Variants in VGLL3 observed in about 807,000 individuals in gnomAD.
VGLL3 encodes the protein vestigial like family member 3, also known as transcription cofactor vestigial-like protein 3.
VGLL3 carries 18 observed loss-of-function variants against 29.2 expected under a neutral mutation model. The observed-to-expected ratio is 0.62, with a 90% CI of 0.43 to 0.91. The LOEUF is 0.91. Among genes scored for constraint, VGLL3 ranks in the 40% least tolerant of loss-of-function variants. The pLI, the probability that VGLL3 is intolerant of heterozygous loss-of-function variation, is 0.00. For missense variants in VGLL3, 440 were observed against 413.2 expected, an observed-to-expected ratio of 1.06 and a Z score of -0.56; for synonymous variants, 180 against 151.8, an observed-to-expected ratio of 1.19 and a Z score of -1.36.
intron 3 of VGLL3, among the ~76,000 whole-genome samples, chr3:86,956,841 A>G (rs556742188): frequency 2.6e-5 from 4 of 151,386 alleles, no homozygotes; most frequent in South Asian, 4.2e-4. Flanking sequence ...ATAACGAGGG[A>G]TGCTCTCCAA....
chr3:86,987,114 C>A (rs972797090), intron 1 of VGLL3, among the ~76,000 whole-genome samples: 1 of 152,062 alleles, frequency 6.6e-6, no homozygotes, highest in Non-Finnish European at 1.5e-5. Context: ...ATCTGGTGAT[C>A]CTAATTTTGT....
intron 3 of VGLL3, among the ~76,000 whole-genome samples, chr3:86,959,503 T>C (rs570207574): frequency 6.6e-6 from 1 of 152,266 alleles, no homozygotes; most frequent in South Asian, 2.1e-4. Context: ...TGCCCTCTCA[T>C]CTTTAGGGTG....
intron 2 of VGLL3, among the ~76,000 whole-genome samples, chr3:86,969,746 A>G (rs2107021886): frequency 6.6e-6 from 1 of 151,024 alleles, no homozygotes; most frequent in South Asian, 2.1e-4. Flanking sequence ...GGGAGTCTCT[A>G]GACCGAGAAT....
intron 3 of VGLL3, among the ~76,000 whole-genome samples, chr3:86,959,296 T>G (rs1704789653): frequency 6.6e-6 from 1 of 152,198 alleles, no homozygotes; most frequent in Non-Finnish European, 1.5e-5. Flanking sequence ...TATTATATTT[T>G]TAATACCATT....
At position 86,941,625 on chromosome 3, in the gene VGLL3, G is replaced by A. The variant is rs954236254; in HGVS notation, c.*5399C>T. The A allele has an allele frequency of 3.3e-5, 5 of 151,768 alleles. No individual in the cohort carries two copies. Among genetic ancestry groups the A allele is most frequent in the African/African-American group, 1.2e-4 (5 of 41,338 alleles). The allele number at this position is 151,768 out of a possible 1,614,324, so 9.4% of individuals were successfully genotyped here. Reference sequence around the variant, plus strand: ...AATTAAATTGACTAGAACTTCAAGAGAATACTACTTTGACCAATACTTTAA... The same window carrying A: ...AATTAAATTGACTAGAACTTCAAGAAAATACTACTTTGACCAATACTTTAA... On this transcript the variant is annotated 3_prime_UTR_variant, in exon 4 of 4. Transcript: ENST00000398399.
rs772726547 is a variant in VGLL3, at chr3:86,968,691, A to G, written c.836T>C (p.Ile279Thr). 1.2e-6 allele frequency: 2 copies of G among 1,614,100 alleles called. No homozygotes were observed. Among genetic ancestry groups the G allele is most frequent in the South Asian group, 1.1e-5 (1 of 91,084 alleles). Reference sequence around the variant, plus strand: ...GACTGTAGTTGGTTCTGTCTTTGTGATGTCACACTGGGGAGCAGGAATCCT... The same window carrying G: ...GACTGTAGTTGGTTCTGTCTTTGTGGTGTCACACTGGGGAGCAGGAATCCT... Reference protein sequence around the residue: ...AARIPAPQCDITKTEPTTVTS... With the variant: ...AARIPAPQCDTTKTEPTTVTS... The change falls in exon 3 of 4, where the codon ATC becomes ACC. Residue 279 changes from isoleucine to threonine, a missense_variant. Physicochemically the swap from Ile to Thr is moderately conservative, Grantham distance 89. Coordinates refer to ENST00000398399, the MANE Select transcript of VGLL3 (RefSeq NM_016206.4).
intron 3 of VGLL3, among the ~76,000 whole-genome samples, chr3:86,966,281 T>C (rs906359575): frequency 2.6e-5 from 4 of 152,058 alleles, no homozygotes; most frequent in Non-Finnish European, 5.9e-5. Flanking sequence ...CTCTAGATTT[T>C]CCCCAGAACT....
intron 1 of VGLL3, among the ~76,000 whole-genome samples, chr3:86,986,003 G>A (rs879146982): frequency 3.3e-5 from 5 of 150,112 alleles, no homozygotes; most frequent in Non-Finnish European, 7.4e-5. Flanking sequence ...CCTTTGCACA[G>A]ATAGATATGA....
At chr3:86,966,405 C>G (rs1201443030) in intron 3 of VGLL3, among the ~76,000 whole-genome samples, 1 of 151,972 alleles carries the variant, frequency 6.6e-6, no homozygotes, top group East Asian at 1.9e-4. Context: ...ATAATTTTAT[C>G]TTTATTTTCA....
chr3:86,973,333 T>A (rs1488110671), intron 2 of VGLL3, among the ~76,000 whole-genome samples: 1 of 152,196 alleles, frequency 6.6e-6, no homozygotes, highest in South Asian at 2.1e-4. Context: ...TTTACATTTT[T>A]TATTAATATC....
At chr3:86,978,930 T>C in intron 1 of VGLL3, 128 bp from the exon 2 acceptor site, 3 of 1,051,464 alleles carry the variant, frequency 2.9e-6, no homozygotes, top group Non-Finnish European at 3.9e-6. Flanking sequence ...TTCTTCTTCA[T>C]CTGTTTTACT....
At chr3:86,979,558 A>C (rs1323767830) in intron 1 of VGLL3, among the ~76,000 whole-genome samples, 2 of 152,152 alleles carry the variant, frequency 1.3e-5, no homozygotes, top group East Asian at 3.8e-4. Flanking sequence ...ATATAATTCT[A>C]ATAATAATAT....
At position 86,965,992 on chromosome 3, in the gene VGLL3, C is replaced by G. The variant is rs114142727; in HGVS notation, c.937+2598G>C. 8.9e-3 allele frequency among the ~76,000 whole-genome samples: 1,359 copies of G among 152,256 alleles called. 9 individuals carry two copies. Among genetic ancestry groups the G allele is most frequent in the Non-Finnish European group, 0.012 (804 of 68,036 alleles). On this transcript the variant is annotated intron_variant, in intron 3 of 3. Transcript: ENST00000398399. ...CGTACAACACCCCTCTCTAACTCCT[C>G]CCAAAGATAGAGAGATGTAATATTT...
At chr3:86,950,634 A>G (rs1559719889) in intron 3 of VGLL3, among the ~76,000 whole-genome samples, 1 of 152,222 alleles carries the variant, frequency 6.6e-6, no homozygotes. Flanking sequence ...GAAGATTAAC[A>G]AAACAGCCCT....
chr3:86,949,227 C>T (rs756583109), intron 3 of VGLL3, among the ~76,000 whole-genome samples: 1 of 152,178 alleles, frequency 6.6e-6, no homozygotes, highest in African/African-American at 2.4e-5. Flanking sequence ...TACTTAAGAT[C>T]GCCCCAGATT....
chr3:86,960,536 A>G (rs1290230694), intron 3 of VGLL3, among the ~76,000 whole-genome samples: 1 of 152,136 alleles, frequency 6.6e-6, no homozygotes, highest in Non-Finnish European at 1.5e-5. Context: ...GTCTGTTCAG[A>G]GAGAATACTA....
chr3:86,959,003 AC>A (rs750317233), intron 3 of VGLL3, among the ~76,000 whole-genome samples: 64 of 152,180 alleles, frequency 4.2e-4, no homozygotes, highest in Admixed American at 2.2e-3. Flanking sequence ...ATCATCATAA[AC>A]TCAATAATGA....
intron 1 of VGLL3, among the ~76,000 whole-genome samples, chr3:86,990,061 T>C (rs59701679): frequency 0.087 from 13,293 of 152,118 alleles, 1,576 homozygotes; most frequent in African/African-American, 0.27. Context: ...AATCCATCCC[T>C]GTCCTCTAAG....
At chr3:86,980,422 T>A (rs903931732) in intron 1 of VGLL3, among the ~76,000 whole-genome samples, 1 of 152,130 alleles carries the variant, frequency 6.6e-6, no homozygotes, top group African/African-American at 2.4e-5. Flanking sequence ...GGATGGTTAT[T>A]TATAAATATG....
Sources: gnomAD v4.1 joint callset for allele counts (sites outside exome capture counted in the v4.1 genomes callset) on GRCh38, gnomAD v4.1.1 for gene constraint, MANE v1.5 for transcripts, NCBI Gene and HGNC (gene_info 2026-07-23, HGNC 2026-07-21) for gene names.